The following KCND2 variants were observed in gnomAD, a reference collection of about 807,000 sequenced individuals.
KCND2 encodes the protein A-type voltage-gated potassium channel KCND2.
In KCND2, 16 loss-of-function variants were observed where a neutral mutation model predicts 54.4. The observed-to-expected ratio is 0.29, with a 90% CI of 0.20 to 0.45. The LOEUF (loss-of-function observed/expected upper bound fraction) is 0.45. Ranked by LOEUF, KCND2 falls within the 20% of genes least tolerant of loss-of-function variation. The pLI is 1.00. For synonymous variants in KCND2, 317 were observed against 310.7 expected (o/e 1.02, Z -0.21); for missense variants, 486 against 824.2 (o/e 0.59, Z 5.02).
intron 1 of KCND2, among the ~76,000 whole-genome samples, chr7:120,469,550 A>G (rs904931110): frequency 1.3e-5 from 2 of 152,152 alleles, no homozygotes; most frequent in Admixed American, 6.6e-5. Flanking sequence ...GCTCTGTTTC[A>G]GTAGCAGAGG....
At chr7:120,483,702 A>G (rs146274112) in intron 1 of KCND2, among the ~76,000 whole-genome samples, 3 of 152,284 alleles carry the variant, frequency 2.0e-5, no homozygotes, top group Non-Finnish European at 4.4e-5. Context: ...GGAGATGTTT[A>G]ATAGGGTAAA....
chr7:120,352,045 C>G (rs1284500104), intron 1 of KCND2, among the ~76,000 whole-genome samples: 1 of 152,096 alleles, frequency 6.6e-6, no homozygotes, highest in Non-Finnish European at 1.5e-5. Context: ...CTCTTGACCT[C>G]GTGCTCCTCA....
At chr7:120,406,534 T>C (rs896386473) in intron 1 of KCND2, among the ~76,000 whole-genome samples, 2 of 152,058 alleles carry the variant, frequency 1.3e-5, no homozygotes, top group Non-Finnish European at 2.9e-5. Flanking sequence ...TGCACACTAA[T>C]AATTTAAATA....
intron 1 of KCND2, among the ~76,000 whole-genome samples, chr7:120,326,780 ATGGT>A (rs1461954885): frequency 1.3e-5 from 2 of 152,090 alleles, no homozygotes; most frequent in African/African-American, 4.8e-5. Flanking sequence ...AAGCAGCAAT[ATGGT>A]CTGCCTTGTT....
intron 1 of KCND2, among the ~76,000 whole-genome samples, chr7:120,412,485 A>C (rs1801465527): frequency 6.6e-6 from 1 of 151,254 alleles, no homozygotes; most frequent in Non-Finnish European, 1.5e-5. Flanking sequence ...CAAATTCATT[A>C]TTTCCACCTT....
chr7:120,293,921 T>C (rs921819825), intron 1 of KCND2, among the ~76,000 whole-genome samples: 3 of 151,956 alleles, frequency 2.0e-5, no homozygotes, highest in African/African-American at 4.8e-5. Flanking sequence ...AGAAATGCTG[T>C]TTAAAAAAGC....
intron 1 of KCND2, among the ~76,000 whole-genome samples, chr7:120,404,080 A>G (rs745627847): frequency 1.9e-4 from 29 of 152,204 alleles, no homozygotes; most frequent in Admixed American, 3.9e-4. Flanking sequence ...CAAAAAAACT[A>G]GAGAGTTTGG....
chr7:120,303,916 A>G lies in KCND2; in HGVS notation c.1115+28169A>G, dbSNP rs114657049. On this transcript the variant is annotated intron_variant, in intron 1 of 5. Transcript: ENST00000331113. ...GAGTGTTAAATATCATAACACATGTACAACATTTAGCCACGTGACCAGCAT... is the reference window on the plus strand; with the variant it reads ...GAGTGTTAAATATCATAACACATGTGCAACATTTAGCCACGTGACCAGCAT... Among the ~76,000 whole-genome samples the G allele has an allele frequency of 6.3e-3, 953 of 152,296 alleles. 4 individuals are homozygous for G. The highest frequency in any genetic ancestry group is 0.021 in the African/African-American group (883 of 41,570).
chr7:120,669,768 G>A (rs1043146400), intron 1 of KCND2, among the ~76,000 whole-genome samples: 6 of 152,076 alleles, frequency 3.9e-5, no homozygotes, highest in African/African-American at 1.2e-4. Flanking sequence ...ATCTTAACCC[G>A]TGCTAAACTC....
chr7:120,737,453 T>C (rs1792889821), intron 2 of KCND2, among the ~76,000 whole-genome samples: 1 of 151,988 alleles, frequency 6.6e-6, no homozygotes, highest in South Asian at 2.1e-4. Flanking sequence ...AATCCTCTTG[T>C]AGACCTCTCA....
intron 1 of KCND2, among the ~76,000 whole-genome samples, chr7:120,441,178 A>G (rs1801940555): frequency 1.3e-5 from 2 of 152,100 alleles, no homozygotes; most frequent in African/African-American, 4.8e-5. Flanking sequence ...TGTAGAATCA[A>G]AGAGACCTGC....
intron 1 of KCND2, among the ~76,000 whole-genome samples, chr7:120,446,820 G>T (rs1454708794): frequency 6.6e-6 from 1 of 152,118 alleles, no homozygotes; most frequent in African/African-American, 2.4e-5. Flanking sequence ...CTAATAATTA[G>T]TTGTAAAAAT....
intron 1 of KCND2, among the ~76,000 whole-genome samples, chr7:120,479,962 C>CA (rs35246643): frequency 0.27 from 18,501 of 68,474 alleles, 1,730 homozygotes; most frequent in East Asian, 0.57. Context: ...GTAAGACTGT[C>CA]AAAAAAAAAA....
chr7:120,333,879 C>T (rs1800105332), intron 1 of KCND2, among the ~76,000 whole-genome samples: 1 of 151,992 alleles, frequency 6.6e-6, no homozygotes, highest in Non-Finnish European at 1.5e-5. Context: ...ATTTTTCAAA[C>T]ATCTTTCGGC....
chr7:120,622,821 A>T (rs1489073711), intron 1 of KCND2, among the ~76,000 whole-genome samples: 1 of 151,892 alleles, frequency 6.6e-6, no homozygotes, highest in African/African-American at 2.4e-5. Flanking sequence ...TATGCCCTTT[A>T]CTATCAAACT....
Position 120,671,593 on chromosome 7 carries a change from A to G in KCND2, c.1116-61310A>G, listed in dbSNP as rs557264860. Among the ~76,000 whole-genome samples the G allele has an allele frequency of 1.5e-4, 23 of 152,138 alleles. 1 individual carries two copies. Among genetic ancestry groups the G allele is most frequent in the African/African-American group, 5.3e-4 (22 of 41,532 alleles). On this transcript the variant is annotated intron_variant, in intron 1 of 5. Coordinates refer to ENST00000331113, the MANE Select transcript of KCND2 (RefSeq NM_012281.3). ...ACTTCCTAGGCAACCAGGCTGTTCA[A>G]TCATCTCCAGTCCTTTCCTCACCAC...
chr7:120,444,568 A>T (rs1801992372), intron 1 of KCND2, among the ~76,000 whole-genome samples: 1 of 152,112 alleles, frequency 6.6e-6, no homozygotes, highest in South Asian at 2.1e-4. Flanking sequence ...ATTTGCTGTA[A>T]AACCCTGGAT....
chr7:120,648,559 G>A (rs1335384223), intron 1 of KCND2, among the ~76,000 whole-genome samples: 1 of 152,176 alleles, frequency 6.6e-6, no homozygotes, highest in Non-Finnish European at 1.5e-5. Flanking sequence ...CAAAACAAAA[G>A]AGGTGAGCAG....
intron 1 of KCND2, among the ~76,000 whole-genome samples, chr7:120,540,916 C>T (rs942327890): frequency 2.0e-5 from 3 of 152,078 alleles, no homozygotes; most frequent in Admixed American, 2.0e-4. Flanking sequence ...AACTTACTGA[C>T]TTGATAGTTT....
Sources: allele counts gnomAD v4.1 joint callset (sites outside exome capture counted in the v4.1 genomes callset), GRCh38; gene constraint gnomAD v4.1.1; transcripts MANE v1.5; gene names NCBI Gene and HGNC (gene_info 2026-07-23, HGNC 2026-07-21).